GRK5: variants seen among roughly 807,000 people sequenced by gnomAD.
The protein encoded by GRK5 is g protein-coupled receptor kinase GRK5.
GRK5 carries 40 observed loss-of-function variants against 78.4 expected under a neutral mutation model. The observed-to-expected ratio is 0.51, with a 90% confidence interval of 0.40 to 0.66. The LOEUF (loss-of-function observed/expected upper bound fraction) is 0.66. Among genes scored for constraint, GRK5 ranks in the 30% least tolerant of loss-of-function variants. The pLI, the probability that GRK5 is intolerant of heterozygous loss-of-function variation, is 0.00. For synonymous variants in GRK5, 289 were observed against 296.8 expected (o/e 0.97, Z 0.27); for missense variants, 598 against 759.9 (o/e 0.79, Z 2.50).
intron 4 of GRK5, among the ~76,000 whole-genome samples, chr10:119,410,854 C>T (rs1392726854): frequency 9.6e-6 from 1 of 103,908 alleles, no homozygotes; most frequent in East Asian, 2.1e-4. Context: ...TCTCCACAGC[C>T]GTGGAGCCAC....
chr10:119,219,717 C>G (rs919254682), intron 1 of GRK5, among the ~76,000 whole-genome samples: 1 of 152,152 alleles, frequency 6.6e-6, no homozygotes, highest in African/African-American at 2.4e-5. Flanking sequence ...TCCCCCTCCC[C>G]CCTAATTTGG....
intron 1 of GRK5, among the ~76,000 whole-genome samples, chr10:119,226,060 G>C (rs1165817629): frequency 6.6e-6 from 1 of 151,674 alleles, no homozygotes; most frequent in Admixed American, 6.6e-5. Flanking sequence ...TGTTGGCCAG[G>C]ATGGTCTCGA....
In GRK5 at chr10:119,392,415, T is replaced by A. The variant is rs555764638; in HGVS notation, c.262-4280T>A. On this transcript the variant is annotated intron_variant, in intron 3 of 15. Coordinates refer to ENST00000392870, the MANE Select transcript of GRK5 (RefSeq NM_005308.3). ...TGGGTGCTCCCTGGCACCGTGGCTG[T>A]TAGACCTGAGTTCTGGGCAGGGAGA... is the stretch of plus-strand genomic sequence containing the variant. 4.9e-4 allele frequency among the ~76,000 whole-genome samples: 75 copies of A among 152,332 alleles called. No homozygotes were observed. In the South Asian group the frequency reaches 8.5e-3, roughly 17 times the overall value.
intron 1 of GRK5, among the ~76,000 whole-genome samples, chr10:119,287,189 A>G (rs7393379): frequency 0.76 from 90,864 of 119,546 alleles, 33,825 homozygotes; most frequent in East Asian, 0.84. Context: ...ACAGGAGGAA[A>G]GGAGGGAGAG....
intron 1 of GRK5, among the ~76,000 whole-genome samples, chr10:119,223,573 A>T (rs1848690697): frequency 6.6e-6 from 1 of 152,044 alleles, no homozygotes; most frequent in East Asian, 1.9e-4. Context: ...CCGGGTCCCC[A>T]AATAGGACTC....
intron 2 of GRK5, among the ~76,000 whole-genome samples, chr10:119,376,453 G>A (rs1012883288): frequency 2.0e-5 from 3 of 151,950 alleles, no homozygotes; most frequent in African/African-American, 7.3e-5. Flanking sequence ...GACCTCAGAA[G>A]AGAGTTTGTT....
At position 119,326,575 on chromosome 10, in the gene GRK5, C is replaced by G; in HGVS notation, c.112C>G (p.His38Asp). 2 of 1,614,166 alleles carry G rather than the reference C, an allele frequency of 1.2e-6. No individual in the cohort carries two copies. The change falls in exon 2 of 16, where the codon CAC becomes GAC. Residue 38 changes from histidine to aspartate, a missense_variant. Coordinates refer to ENST00000392870, the MANE Select transcript of GRK5 (RefSeq NM_005308.3). ...GTGGAAAGAAATCCTGAAGTTCCCT[C>G]ACATTAGCCAGTGTGAAGACCTCCG... ...KKWKEILKFP[H>D]ISQCEDLRRT...
rs1371900560 is a variant in GRK5, at chr10:119,340,480, G to C, written c.148+13869G>C. ...CATTACAAAAATAATATATGTCAAT[G>C]GTTGCAATTTCCAAAACAATTTTAA... On this transcript the variant is annotated intron_variant, in intron 2 of 15. Transcript: ENST00000392870. Among the ~76,000 whole-genome samples, 3 of 152,106 alleles carry C rather than the reference G, an allele frequency of 2.0e-5. No homozygotes were observed. The East Asian group carries it at 5.8e-4, about 29-fold the overall frequency.
chr10:119,382,766 G>A (rs770236389), intron 3 of GRK5, among the ~76,000 whole-genome samples: 26 of 152,088 alleles, frequency 1.7e-4, no homozygotes, highest in Non-Finnish European at 3.2e-4. Context: ...AGGTCCACAC[G>A]TTGTGATCTG....
At chr10:119,344,893 C>CCTT (rs1174541641) in intron 2 of GRK5, among the ~76,000 whole-genome samples, 37 of 135,114 alleles carry the variant, frequency 2.7e-4, no homozygotes, top group Middle Eastern at 3.7e-3. Context: ...TTCCTTCCTT[C>CCTT]CTTCCTTCCT....
intron 1 of GRK5, among the ~76,000 whole-genome samples, chr10:119,286,943 G>A (rs577803499): frequency 6.6e-6 from 1 of 152,292 alleles, no homozygotes; most frequent in East Asian, 1.9e-4. Context: ...GAAATGTAAG[G>A]TCCAGGAGAT....
chr10:119,255,535 T>TC (rs1419453050), intron 1 of GRK5, among the ~76,000 whole-genome samples: 8 of 152,304 alleles, frequency 5.3e-5, no homozygotes, highest in African/African-American at 1.7e-4. Flanking sequence ...AGATGCTCAC[T>TC]TTGTACTAAC....
chr10:119,299,347 C>T (rs73445462), intron 1 of GRK5, among the ~76,000 whole-genome samples: 1,671 of 151,648 alleles, frequency 0.011, 36 homozygotes, highest in African/African-American at 0.037. Flanking sequence ...GCAGGAAAAT[C>T]GCTTAAACCT....
chr10:119,223,390 G>A (rs1848687577), intron 1 of GRK5, among the ~76,000 whole-genome samples: 1 of 152,130 alleles, frequency 6.6e-6, no homozygotes, highest in African/African-American at 2.4e-5. Context: ...GTGAACCCTG[G>A]AACACAGGCC....
chr10:119,259,289 C>T (rs1849335418), intron 1 of GRK5, among the ~76,000 whole-genome samples: 1 of 152,100 alleles, frequency 6.6e-6, no homozygotes, highest in Non-Finnish European at 1.5e-5. Flanking sequence ...TGGTCTCGAT[C>T]TCCTGACCTC....
At chr10:119,370,161 C>T (rs983542514) in intron 2 of GRK5, among the ~76,000 whole-genome samples, 24 of 152,148 alleles carry the variant, frequency 1.6e-4, no homozygotes, top group East Asian at 3.8e-4. Flanking sequence ...GGCAGGGGCC[C>T]GCACAAGCAC....
At chr10:119,434,657 C>T (rs1486185383) in intron 8 of GRK5, among the ~76,000 whole-genome samples, 2 of 152,264 alleles carry the variant, frequency 1.3e-5, no homozygotes, top group Non-Finnish European at 2.9e-5. Context: ...CCGTCTCCCT[C>T]CTGGCTGCTT....
At position 119,313,232 on chromosome 10, in the gene GRK5, GATGGTGGTGGTA is replaced by G. The variant is rs1159113949; in HGVS notation, c.53-13272_53-13261del. On this transcript the variant is annotated intron_variant, in intron 1 of 15. Transcript: ENST00000392870. ...TAGTGGTGGTGGTGACGGTAGTGAT[GATGGTGGTGGTA>G]ATGGTGGTGGTGATGGTGGTGGTAA... Among the ~76,000 whole-genome samples the G allele has an allele frequency of 8.2e-4, 124 of 151,240 alleles. 1 individual carries two copies. Among genetic ancestry groups the G allele is most frequent in the African/African-American group, 2.9e-3 (119 of 41,244 alleles).
At chr10:119,248,071 G>C (rs529191700) in intron 1 of GRK5, among the ~76,000 whole-genome samples, 43 of 152,094 alleles carry the variant, frequency 2.8e-4, no homozygotes, top group Admixed American at 6.6e-4. Flanking sequence ...GAGTGCACTG[G>C]TGTGATCATA....
Sources: gnomAD v4.1 joint callset for allele counts (sites outside exome capture counted in the v4.1 genomes callset) on GRCh38, gnomAD v4.1.1 for gene constraint, MANE v1.5 for transcripts, NCBI Gene and HGNC (gene_info 2026-07-23, HGNC 2026-07-21) for gene names.